The following HTR1E variants were observed in gnomAD, a reference collection of about 807,000 sequenced individuals.
HTR1E encodes 5-hydroxytryptamine receptor 1E, also known as 5-HT-1E.
In HTR1E, 3 loss-of-function variants were observed where a neutral mutation model predicts 3.4. The ratio of observed to expected loss-of-function variants is 0.89; its 90% CI spans 0.41 to 2.31. HTR1E has a LOEUF of 2.31. Ranked by LOEUF, HTR1E falls within the 30% of genes most tolerant of loss-of-function variation. The probability of loss-of-function intolerance (pLI) is 0.05; values close to 1 mark genes in which losing one functional copy is unlikely to be tolerated. For missense variants in HTR1E, 392 were observed against 467.0 expected (o/e 0.84, Z 1.48); for synonymous variants, 170 against 182.8 (o/e 0.93, Z 0.56).
intron 1 of HTR1E, among the ~76,000 whole-genome samples, chr6:86,979,955 C>A (rs886248021): frequency 5.9e-5 from 9 of 152,050 alleles, no homozygotes; most frequent in Admixed American, 5.9e-4. Flanking sequence ...AGGAAAGGAG[C>A]CCCGGAAATA....
intron 1 of HTR1E, among the ~76,000 whole-genome samples, chr6:86,989,040 C>T (rs1324433): frequency 0.18 from 27,863 of 152,076 alleles, 3,279 homozygotes; most frequent in African/African-American, 0.32. Flanking sequence ...ATTAACAACA[C>T]GTTTTTAAAT....
Position 87,016,009 on chromosome 6 carries a change from A to G in HTR1E, c.675A>G (p.Arg225=). 6.2e-7 allele frequency: 1 copy of G among 1,614,224 alleles called. No homozygotes were observed. Among genetic ancestry groups the G allele is most frequent in the East Asian group, 2.2e-5 (1 of 44,884 alleles). Residue 225 remains arginine, a synonymous_variant, in exon 2 of 2, where the codon AGA becomes AGG. Coordinates refer to ENST00000305344, the MANE Select transcript of HTR1E (RefSeq NM_000865.3). ...KRGSSRHLSN[R]STDSQNSFAS... ...GATCAAGTCGGCACTTAAGCAACAG[A>G]AGCACAGATAGCCAGAATTCTTTTG...
At chr6:87,008,580 T>C (rs1768153204) in intron 1 of HTR1E, among the ~76,000 whole-genome samples, 1 of 152,212 alleles carries the variant, frequency 6.6e-6, no homozygotes, top group Non-Finnish European at 1.5e-5. Context: ...GCATGCCATG[T>C]ACATCAATGT....
chr6:86,994,581 T>A (rs1408385187), intron 1 of HTR1E, among the ~76,000 whole-genome samples: 1 of 149,010 alleles, frequency 6.7e-6, no homozygotes, highest in African/African-American at 2.5e-5. Context: ...GAAGGGAAAC[T>A]AAGGGAATTT....
rs991789210 is a variant in HTR1E at position 86,937,571 on chromosome 6, G to A, written c.-438G>A. On this transcript the variant is annotated 5_prime_UTR_variant, in exon 1 of 2. Transcript: ENST00000305344. ...CGGCGAAGCGCAGCGCCTGCCACCA[G>A]CGGTGCCTCGGGCTGCCCGGCGCGC... 5 of 152,564 alleles carry A rather than the reference G, an allele frequency of 3.3e-5. No homozygotes were observed. The highest frequency in any genetic ancestry group is 7.3e-5 in the Non-Finnish European group (5 of 68,178). 9.5% of individuals were successfully genotyped at this position (152,564 alleles called of 1,614,324 possible). A position where few individuals can be genotyped will look rare whatever the true frequency, so the allele number is the denominator to read the frequency against.
Position 87,016,128 on chromosome 6 carries a change from TC to T in HTR1E, c.801del (p.Phe268SerfsTer5), listed in dbSNP as rs753568078. On this transcript the variant is annotated frameshift_variant, in exon 2 of 2. Transcript: ENST00000305344. LOFTEE classifies it low-confidence loss of function (END_TRUNC). ...EFEKFHASIR[I>X]PPFDNDLDHP... is the part of the protein sequence containing the mutation. ...GAAAAGTTCCATGCCTCCATCAGGA[TC>T]CCCCCCTTCGACAATGATCTAGATC... 36 of 1,613,674 alleles carry T rather than the reference TC, an allele frequency of 2.2e-5. No homozygotes were observed. The highest frequency in any genetic ancestry group is 2.7e-5 in the Non-Finnish European group (32 of 1,179,966).
chr6:87,006,205 A>G (rs369420029), intron 1 of HTR1E, among the ~76,000 whole-genome samples: 1 of 152,208 alleles, frequency 6.6e-6, no homozygotes, highest in African/African-American at 2.4e-5. Context: ...GAACTATTAT[A>G]TGATTCAGCA....
chr6:86,986,832 G>A (rs1235609162), intron 1 of HTR1E, among the ~76,000 whole-genome samples: 10 of 152,026 alleles, frequency 6.6e-5, no homozygotes, highest in African/African-American at 2.4e-4. Context: ...ATTCTAGAAG[G>A]GATTGTAGTT....
chr6:86,971,371 A>C (rs1242887227), intron 1 of HTR1E, among the ~76,000 whole-genome samples: 1 of 152,140 alleles, frequency 6.6e-6, no homozygotes. Flanking sequence ...AACTTTATGG[A>C]TTATAAAAAC....
At chr6:86,946,004 G>A (rs926176913) in intron 1 of HTR1E, among the ~76,000 whole-genome samples, 9 of 152,242 alleles carry the variant, frequency 5.9e-5, no homozygotes, top group African/African-American at 2.2e-4. Flanking sequence ...CTCCCAAAGT[G>A]CTGGTATTAC....
At chr6:86,991,208 A>C (rs972663856) in intron 1 of HTR1E, among the ~76,000 whole-genome samples, 1 of 152,186 alleles carries the variant, frequency 6.6e-6, no homozygotes, top group African/African-American at 2.4e-5. Flanking sequence ...ACCAGAAGAG[A>C]CTGGGGAGAT....
intron 1 of HTR1E, among the ~76,000 whole-genome samples, chr6:86,958,521 A>T (rs1463935465): frequency 6.6e-6 from 1 of 152,166 alleles, no homozygotes; most frequent in Non-Finnish European, 1.5e-5. Context: ...TCCCAGCTAG[A>T]ATACAGGCAT....
chr6:86,972,618 A>G (rs1767576508), intron 1 of HTR1E, among the ~76,000 whole-genome samples: 1 of 152,236 alleles, frequency 6.6e-6, no homozygotes, highest in Non-Finnish European at 1.5e-5. Context: ...TAAATTTCTA[A>G]TAATAATGGC....
chr6:87,013,881 CAT>C (rs1417517963), intron 1 of HTR1E, among the ~76,000 whole-genome samples: 2 of 151,968 alleles, frequency 1.3e-5, no homozygotes, highest in Admixed American at 1.3e-4. Flanking sequence ...AACCAACAAA[CAT>C]ATGAAAAAAA....
rs138054257 is a variant in HTR1E, at chr6:86,983,715, C to G, written c.-185-31435C>G. Among the ~76,000 whole-genome samples, 44 of 152,180 alleles carry G rather than the reference C, an allele frequency of 2.9e-4. No homozygotes were observed. In the East Asian group the frequency reaches 7.9e-3, roughly 27 times the overall value. On this transcript the variant is annotated intron_variant, in intron 1 of 1. Transcript: ENST00000305344. ...TATAAATGTTGAAGGTGATGGATAT[C>G]CCAATCACCCAGATTTGATCATTAT...
At chr6:86,953,472 G>A (rs533898443) in intron 1 of HTR1E, among the ~76,000 whole-genome samples, 6 of 152,200 alleles carry the variant, frequency 3.9e-5, no homozygotes, top group Admixed American at 2.0e-4. Flanking sequence ...TCTAAGGGTC[G>A]GCAGGCTGTC....
intron 1 of HTR1E, among the ~76,000 whole-genome samples, chr6:87,010,472 GTCT>G (rs1768205583): frequency 6.6e-6 from 1 of 150,484 alleles, no homozygotes; most frequent in Non-Finnish European, 1.5e-5. Context: ...CCCAGACGGG[GTCT>G]CGGCCGGGCA....
intron 1 of HTR1E, chr6:87,000,067 T>A (rs1767997789): frequency 1.1e-5 from 2 of 174,354 alleles, no homozygotes; most frequent in Admixed American, 1.1e-4. Context: ...TATTTCAAGC[T>A]CTTTAGACTT....
chr6:86,978,323 T>C (rs982390058), intron 1 of HTR1E, among the ~76,000 whole-genome samples: 1 of 152,120 alleles, frequency 6.6e-6, no homozygotes, highest in South Asian at 2.1e-4. Context: ...CTGGCTACTG[T>C]TATATAGGTA....
Sources: allele counts gnomAD v4.1 joint callset (sites outside exome capture counted in the v4.1 genomes callset), GRCh38; gene constraint gnomAD v4.1.1; transcripts MANE v1.5; gene names NCBI Gene and HGNC (gene_info 2026-07-23, HGNC 2026-07-21).